MRM1: variants seen among roughly 807,000 people sequenced by gnomAD.
The protein encoded by MRM1 is rRNA methyltransferase 1, mitochondrial.
Under a neutral mutation model 25.0 loss-of-function variants are expected in MRM1, and 24 were observed. The observed-to-expected ratio is 0.96, with a 90% CI of 0.69 to 1.35. MRM1 has a LOEUF of 1.35. Among genes scored for constraint, MRM1 ranks in the 40% most tolerant of loss-of-function variants. MRM1 has a pLI of 0.00. For synonymous variants in MRM1, 188 were observed against 199.2 expected, an observed-to-expected ratio of 0.94 and a Z score of 0.47; for missense variants, 431 against 464.1, an observed-to-expected ratio of 0.93 and a Z score of 0.65.
intron 2 of MRM1, among the ~76,000 whole-genome samples, chr17:36,606,479 A>G (rs1344877813): frequency 1.3e-5 from 2 of 151,268 alleles, no homozygotes; most frequent in Non-Finnish European, 1.5e-5. Context: ...CAGTGGCGCA[A>G]TCTTAGCTCG....
rs1479755717 is a variant in MRM1 at position 36,602,649 on chromosome 17, A to G, written c.636+3A>G. ...ATGACCTCACCGGATTTTTACAGGT[A>G]ATGAGGGGCAAGAGGGGAAGGAACA... is the stretch of plus-strand genomic sequence containing the variant. On this transcript the variant is annotated splice_donor_region_variant and intron_variant, in intron 2 of 4. Transcript: ENST00000614766. This position sits in a 1 kb window ranked among gnomAD's most constrained non-coding sequence, Gnocchi z 4.1. 2 of 1,614,060 alleles carry G rather than the reference A, an allele frequency of 1.2e-6. No individual in the cohort carries two copies. The highest frequency in any genetic ancestry group is 8.5e-7 in the Non-Finnish European group (1 of 1,179,918).
chr17:36,608,499 G>A lies in MRM1; in HGVS notation c.*84G>A, dbSNP rs1299030348. 4 of 881,802 alleles carry A rather than the reference G, an allele frequency of 4.5e-6. No individual in the cohort carries two copies. The highest frequency in any genetic ancestry group is 6.1e-6 in the Non-Finnish European group (4 of 652,008). The allele number at this position is 881,802 out of a possible 1,614,324, so 54.6% of individuals were successfully genotyped here. A position where few individuals can be genotyped will look rare whatever the true frequency, so the allele number is the denominator to read the frequency against. ...CGGCTCCAGTGTGCGGGGAGCCTCT[G>A]CCTGAGTGTGCACCAGGCCCATGTT... On this transcript the variant is annotated 3_prime_UTR_variant, in exon 5 of 5. Transcript: ENST00000614766.
At chr17:36,606,795 G>A (rs943322857) in intron 2 of MRM1, among the ~76,000 whole-genome samples, 2 of 151,892 alleles carry the variant, frequency 1.3e-5, no homozygotes, top group Non-Finnish European at 2.9e-5. Context: ...GTTTTTAGTA[G>A]AGACGGAGTT....
chr17:36,604,108 G>T (rs186187602), intron 2 of MRM1, among the ~76,000 whole-genome samples: 1 of 152,186 alleles, frequency 6.6e-6, no homozygotes, highest in Admixed American at 6.5e-5. Context: ...CCCTTCCTGC[G>T]TACTCAGAGA....
chr17:36,602,313 TC>T lies in MRM1; in HGVS notation c.505del (p.Leu169SerfsTer19). On this transcript the variant is annotated frameshift_variant, in exon 1 of 5. Transcript: ENST00000614766. LOFTEE classifies it high-confidence loss of function. The surrounding 1 kb of genome is among the most constrained non-coding windows in gnomAD (Gnocchi z 4.1). ...NFGAVLRSAHFLGVDKVITSR... is the reference protein window; with the variant it reads ...NFGAVLRSAHXLGVDKVITSR... The stretch of plus-strand genomic sequence containing the variant: ...GGGGCTGTGCTGCGTTCCGCACACT[TC>T]CTCGGAGTGGATAAGGTCATCACCA... The T allele has an allele frequency of 6.3e-7, 1 of 1,585,280 alleles. No individual in the cohort carries two copies. Among genetic ancestry groups the T allele is most frequent in the Non-Finnish European group, 8.6e-7 (1 of 1,161,064 alleles).
At chr17:36,620,302 G>T in the MRM1 span, among the ~76,000 whole-genome samples, 1 of 151,232 alleles carries the variant, frequency 6.6e-6, no homozygotes, top group African/African-American at 2.4e-5. Context: ...CTGCCTTTGG[G>T]TGGGTGGGAG....
the MRM1 span, among the ~76,000 whole-genome samples, chr17:36,619,183 C>T: frequency 6.6e-6 from 1 of 152,206 alleles, no homozygotes; most frequent in African/African-American, 2.4e-5. Flanking sequence ...AGCATCATGT[C>T]TTCAAGGTTT....
At chr17:36,610,263 C>T (rs565341793), downstream of MRM1, among the ~76,000 whole-genome samples, 3 of 148,940 alleles carry the variant, frequency 2.0e-5, no homozygotes, top group South Asian at 2.1e-4. Context: ...GACGGAGTCT[C>T]GCTCTGTTGC....
intron 2 of MRM1, among the ~76,000 whole-genome samples, chr17:36,604,442 C>T (rs2074909472): frequency 6.6e-6 from 1 of 152,200 alleles, no homozygotes; most frequent in Admixed American, 6.5e-5. Context: ...GGTTCTTCCT[C>T]AACCCCCTGA....
rs371624513 is a variant in MRM1, at chr17:36,608,336, C to A, written c.983C>A (p.Ala328Asp). 2 of 1,611,594 alleles carry A rather than the reference C, an allele frequency of 1.2e-6. No homozygotes were observed. The highest frequency in any genetic ancestry group is 1.7e-6 in the Non-Finnish European group (2 of 1,178,866). The change falls in exon 5 of 5, where the codon GCC (alanine) becomes GAC (aspartate). Residue 328 changes from alanine (A) to aspartate (D), a missense_variant. Transcript: ENST00000614766. ...CTCCAAGACCCCCAAGAACCCTCAG[C>A]CAGGTCTGAAGGGCTCAGCATGGCT... The part of the protein sequence containing the change: ...QLLQDPQEPS[A>D]RSEGLSMAQH...
chr17:36,616,019 G>T, the MRM1 span, among the ~76,000 whole-genome samples: 3 of 149,966 alleles, frequency 2.0e-5, no homozygotes, highest in African/African-American at 7.5e-5. Context: ...CAACAACAAC[G>T]ACAACAAAAC....
At chr17:36,617,616 G>A in the MRM1 span, among the ~76,000 whole-genome samples, 2 of 151,860 alleles carry the variant, frequency 1.3e-5, no homozygotes, top group Non-Finnish European at 2.9e-5. Flanking sequence ...GGCTGGTCTC[G>A]AACTCCTGAC....
the MRM1 span, among the ~76,000 whole-genome samples, chr17:36,615,776 ACCT>A: frequency 6.6e-6 from 1 of 151,948 alleles, no homozygotes; most frequent in African/African-American, 2.4e-5. Context: ...CAGGTGGATC[ACCT>A]GAGGTCAGAA....
At position 36,602,304 on chromosome 17, in the gene MRM1, C is replaced by G; in HGVS notation, c.494C>G (p.Ser165Cys). 6.3e-7 allele frequency: 1 copy of G among 1,590,406 alleles called. No homozygotes were observed. The highest frequency in any genetic ancestry group is 8.6e-7 in the Non-Finnish European group (1 of 1,164,134). ...CGGAATTTTGGGGCTGTGCTGCGTT[C>G]CGCACACTTCCTCGGAGTGGATAAG... ...DPRNFGAVLRSAHFLGVDKVI... is the reference protein window; with the variant it reads ...DPRNFGAVLRCAHFLGVDKVI... Residue 165 changes from serine (S) to cysteine (C), a missense_variant, in exon 1 of 5, where the codon TCC (serine) becomes TGC (cysteine). By Grantham distance (112) the Ser-to-Cys change is moderately radical (BLOSUM62 -1). Transcript: ENST00000614766. This position sits in a 1 kb window ranked among gnomAD's most constrained non-coding sequence, Gnocchi z 4.1.
At chr17:36,613,860 G>C (rs1303542613), downstream of MRM1, among the ~76,000 whole-genome samples, 1 of 152,110 alleles carries the variant, frequency 6.6e-6, no homozygotes, top group Non-Finnish European at 1.5e-5. Context: ...CAGGATGTCA[G>C]ACAGTGCCGG....
At chr17:36,612,218 A>G (rs1448380999), downstream of MRM1, among the ~76,000 whole-genome samples, 1 of 150,500 alleles carries the variant, frequency 6.6e-6, no homozygotes, top group Non-Finnish European at 1.5e-5. Flanking sequence ...CATCTAGAAG[A>G]CTCTCCTGGG....
chr17:36,609,547 T>C (rs1175437384), downstream of MRM1, among the ~76,000 whole-genome samples: 1 of 152,234 alleles, frequency 6.6e-6, no homozygotes, highest in Non-Finnish European at 1.5e-5. Flanking sequence ...ACGCACTAGA[T>C]GCCTGTAGCA....
At chr17:36,614,090 T>C in the MRM1 span, among the ~76,000 whole-genome samples, 1 of 151,680 alleles carries the variant, frequency 6.6e-6, no homozygotes, top group African/African-American at 2.4e-5. Context: ...ACGATGACAA[T>C]GATGACGATG....
the MRM1 span, among the ~76,000 whole-genome samples, chr17:36,618,273 T>TC: frequency 6.6e-6 from 1 of 152,124 alleles, no homozygotes; most frequent in Non-Finnish European, 1.5e-5. Context: ...GCTTAGGCTG[T>TC]CATTCATCAA....
Sources: allele counts gnomAD v4.1 joint callset (sites outside exome capture counted in the v4.1 genomes callset), GRCh38; gene constraint gnomAD v4.1.1; non-coding constraint Gnocchi (gnomAD v3.1); transcripts MANE v1.5; gene names NCBI Gene and HGNC (gene_info 2026-07-23, HGNC 2026-07-21).